ASIC2: variants seen among roughly 807,000 people sequenced by gnomAD.
ASIC2 encodes acid-sensing ion channel 2.
ASIC2 carries 25 observed loss-of-function variants against 57.3 expected under a neutral mutation model. The ratio of observed to expected loss-of-function variants is 0.44; its 90% CI spans 0.32 to 0.61. The LOEUF is 0.61. Among genes scored for constraint, ASIC2 ranks in the 20% least tolerant of loss-of-function variants. ASIC2 has a pLI of 0.06. For missense variants in ASIC2, 641 were observed against 738.1 expected, an observed-to-expected ratio of 0.87 and a Z score of 1.52; for synonymous variants, 319 against 307.5, an observed-to-expected ratio of 1.04 and a Z score of -0.39.
At position 34,029,455 on chromosome 17, in the gene ASIC2, C is replaced by G. The variant is rs533150898; in HGVS notation, c.555+126523G>C. ...AAGTGGGTACAGCCCTTCATAGTTT[C>G]TGAAACATATTTGCATGAATAATCT... On this transcript the variant is annotated intron_variant, in intron 1 of 9. Coordinates refer to the ASIC2 transcript ENST00000359872. Among the ~76,000 whole-genome samples the G allele has an allele frequency of 2.2e-4, 34 of 151,544 alleles. No individual in the cohort carries two copies. The Middle Eastern group carries it at 0.01, about 46-fold the overall frequency.
rs146792325 is a variant in ASIC2, at chr17:34,052,885, C to G, written c.555+103093G>C. Among the ~76,000 whole-genome samples the G allele has an allele frequency of 5.9e-3, 892 of 152,202 alleles. 10 individuals are homozygous for G. The highest frequency in any genetic ancestry group is 0.02 in the African/African-American group (847 of 41,528). On this transcript the variant is annotated intron_variant, in intron 1 of 9. Transcript: ENST00000359872. The stretch of plus-strand genomic sequence containing the variant: ...CCACCCGCCTCGCCCTCCCAAAGTG[C>G]TGGGGTTACAAGTGTGAGCCACCAT...
intron 1 of ASIC2, among the ~76,000 whole-genome samples, chr17:33,636,215 C>G (rs1265556247): frequency 6.6e-6 from 1 of 152,138 alleles, no homozygotes; most frequent in Admixed American, 6.5e-5. Context: ...GGAAAGGTGT[C>G]AAAATATTAA....
chr17:33,796,439 T>G (rs1911921494), intron 1 of ASIC2, among the ~76,000 whole-genome samples: 1 of 152,200 alleles, frequency 6.6e-6, no homozygotes. Flanking sequence ...GAAATAATAT[T>G]ACATGCTTAA....
At chr17:33,394,718 G>A (rs1054792644) in intron 1 of ASIC2, among the ~76,000 whole-genome samples, 11 of 152,124 alleles carry the variant, frequency 7.2e-5, no homozygotes, top group Non-Finnish European at 1.5e-4. Context: ...CTCCTAACTT[G>A]CTTCACCTTA....
At chr17:33,312,895 C>T (rs1017139682) in intron 1 of ASIC2, among the ~76,000 whole-genome samples, 2 of 152,156 alleles carry the variant, frequency 1.3e-5, no homozygotes, top group Non-Finnish European at 2.9e-5. Flanking sequence ...GAGATTGCAC[C>T]ATTGCACTCC....
At chr17:33,114,609 T>C (rs1055510415) in intron 1 of ASIC2, among the ~76,000 whole-genome samples, 6 of 152,238 alleles carry the variant, frequency 3.9e-5, no homozygotes, top group Non-Finnish European at 8.8e-5. Context: ...GAGAGTAGTG[T>C]GGACTCCTGA....
intron 1 of ASIC2, among the ~76,000 whole-genome samples, chr17:33,170,264 A>G (rs1231661928): frequency 6.6e-6 from 1 of 152,340 alleles, no homozygotes; most frequent in Admixed American, 6.5e-5. Flanking sequence ...CCTGATTCAC[A>G]AAGACTCAAC....
chr17:34,140,388 T>TGTA (rs569472479), intron 1 of ASIC2, among the ~76,000 whole-genome samples: 156 of 152,240 alleles, frequency 1.0e-3, no homozygotes, highest in African/African-American at 3.7e-3. Flanking sequence ...TACGTGTAAA[T>TGTA]GTAGATGTAA....
At chr17:33,069,391 G>A (rs1170631622) in intron 3 of ASIC2, among the ~76,000 whole-genome samples, 1 of 152,130 alleles carries the variant, frequency 6.6e-6, no homozygotes, top group Non-Finnish European at 1.5e-5. Context: ...TATCCTTGCT[G>A]GTTTTCTGTC....
intron 1 of ASIC2, among the ~76,000 whole-genome samples, chr17:33,559,139 C>T (rs931892355): frequency 1.8e-4 from 28 of 152,170 alleles, no homozygotes; most frequent in African/African-American, 6.8e-4. Flanking sequence ...TACACTCTGA[C>T]TGAGCAAGAA....
chr17:34,123,692 A>T (rs144632987), intron 1 of ASIC2, among the ~76,000 whole-genome samples: 1 of 152,208 alleles, frequency 6.6e-6, no homozygotes, highest in Non-Finnish European at 1.5e-5. Flanking sequence ...TGTGAAATGG[A>T]ACAATGGTCT....
At chr17:33,279,475 G>A (rs1904848885) in intron 1 of ASIC2, among the ~76,000 whole-genome samples, 1 of 152,236 alleles carries the variant, frequency 6.6e-6, no homozygotes. Context: ...AGGAGGATGG[G>A]AAGAGGGAGG....
At chr17:33,935,087 CCAGCCATGCTGGCATG>C (rs1242470915) in intron 1 of ASIC2, among the ~76,000 whole-genome samples, 1 of 152,252 alleles carries the variant, frequency 6.6e-6, no homozygotes, top group African/African-American at 2.4e-5. Flanking sequence ...GCCTCAAGCG[CCAGCCATGCTGGCATG>C]CTTGCCCTGC....
intron 1 of ASIC2, among the ~76,000 whole-genome samples, chr17:33,659,121 CAGGGCGG>C (rs1907169209): frequency 6.6e-6 from 1 of 152,236 alleles, no homozygotes; most frequent in Non-Finnish European, 1.5e-5. Flanking sequence ...CAGCAGCACG[CAGGGCGG>C]AGGGTCCTAG....
intron 1 of ASIC2, among the ~76,000 whole-genome samples, chr17:33,782,267 C>T (rs1340800469): frequency 1.3e-5 from 2 of 152,024 alleles, no homozygotes; most frequent in African/African-American, 4.8e-5. Context: ...TTTTTTTCCC[C>T]TATAAGCTTC....
At chr17:33,451,195 T>G (rs1243196229) in intron 1 of ASIC2, among the ~76,000 whole-genome samples, 1 of 152,006 alleles carries the variant, frequency 6.6e-6, no homozygotes, top group Non-Finnish European at 1.5e-5. Context: ...TAGCTGGGAT[T>G]ACAGGCACCC....
intron 1 of ASIC2, among the ~76,000 whole-genome samples, chr17:33,371,462 A>G (rs549528362): frequency 1.1e-4 from 16 of 152,352 alleles, no homozygotes; most frequent in Middle Eastern, 3.4e-3. Flanking sequence ...AAACTACAAC[A>G]AAAAATAATT....
chr17:34,016,488 G>A (rs969888878), intron 1 of ASIC2, among the ~76,000 whole-genome samples: 4 of 148,822 alleles, frequency 2.7e-5, no homozygotes, highest in African/African-American at 2.5e-5. Flanking sequence ...TCTTTACAGC[G>A]CAACATTATG....
In ASIC2 at chr17:34,025,549, A is replaced by G. The variant is rs550953151; in HGVS notation, c.555+130429T>C. On this transcript the variant is annotated intron_variant, in intron 1 of 9. Coordinates refer to the ASIC2 transcript ENST00000359872. ...CCAATTCCTGGTTTAGATTACCTCA[A>G]AGGTTTTCTCAAAGGTTATAATGAC... 7.1e-4 allele frequency among the ~76,000 whole-genome samples: 108 copies of G among 152,304 alleles called. 3 individuals carry two copies. In the South Asian group the frequency reaches 0.019, roughly 27 times the overall value.
Sources: allele counts gnomAD v4.1 joint callset (sites outside exome capture counted in the v4.1 genomes callset), GRCh38; gene constraint gnomAD v4.1.1; transcripts MANE v1.5; gene names NCBI Gene and HGNC (gene_info 2026-07-23, HGNC 2026-07-21).